The following PLCXD3 variants were observed in gnomAD, a reference collection of about 807,000 sequenced individuals.
PLCXD3 encodes phosphatidylinositol specific phospholipase C X domain containing 3, also known as PI-PLC X domain-containing protein 3.
PLCXD3 carries 19 observed loss-of-function variants against 25.5 expected under a neutral mutation model. The observed-to-expected ratio is 0.75, with a 90% CI of 0.52 to 1.09. The LOEUF is 1.09. Among genes scored for constraint, PLCXD3 ranks in the 50% least tolerant of loss-of-function variants. The pLI is 0.00. For missense variants in PLCXD3, 411 were observed against 388.1 expected (o/e 1.06, Z -0.50); for synonymous variants, 174 against 137.6 (o/e 1.26, Z -1.85).
intron 1 of PLCXD3, among the ~76,000 whole-genome samples, chr5:41,444,393 G>A (rs1747450326): frequency 6.6e-6 from 1 of 152,150 alleles, no homozygotes; most frequent in Non-Finnish European, 1.5e-5. Flanking sequence ...TTTGGGTTGG[G>A]CTAGAGGGGC....
chr5:41,323,663 C>T (rs927062479), intron 2 of PLCXD3, among the ~76,000 whole-genome samples: 15 of 152,184 alleles, frequency 9.9e-5, no homozygotes, highest in Non-Finnish European at 1.8e-4. Context: ...CAATTAGATG[C>T]TGCTGAAGTA....
At chr5:41,432,371 C>T (rs879750247) in intron 1 of PLCXD3, among the ~76,000 whole-genome samples, 1 of 152,140 alleles carries the variant, frequency 6.6e-6, no homozygotes, top group Non-Finnish European at 1.5e-5. Context: ...ATTTCTTTGG[C>T]TATCACTGTT....
intron 1 of PLCXD3, among the ~76,000 whole-genome samples, chr5:41,485,155 G>T (rs758076760): frequency 4.6e-5 from 7 of 152,000 alleles, no homozygotes; most frequent in Admixed American, 2.6e-4. Flanking sequence ...TTATGAAGAC[G>T]GACACTATTC....
chr5:41,348,521 G>A (rs1744364420), intron 2 of PLCXD3, among the ~76,000 whole-genome samples: 1 of 152,172 alleles, frequency 6.6e-6, no homozygotes, highest in South Asian at 2.1e-4. Context: ...AGACAAGGAA[G>A]CTTGTGCAAA....
chr5:41,397,071 A>T (rs1330429729), intron 1 of PLCXD3, among the ~76,000 whole-genome samples: 2 of 152,204 alleles, frequency 1.3e-5, no homozygotes, highest in African/African-American at 4.8e-5. Flanking sequence ...AGGAAAACCC[A>T]TTTTTTGGGG....
intron 1 of PLCXD3, among the ~76,000 whole-genome samples, chr5:41,435,891 C>A (rs1333611666): frequency 6.6e-6 from 1 of 152,200 alleles, no homozygotes; most frequent in Non-Finnish European, 1.5e-5. Context: ...GAGATAGAAA[C>A]CTCTGTGGCC....
chr5:41,484,889 G>T (rs1474383704), intron 1 of PLCXD3, among the ~76,000 whole-genome samples: 3 of 152,110 alleles, frequency 2.0e-5, no homozygotes, highest in African/African-American at 4.8e-5. Flanking sequence ...TGTCCCACCT[G>T]CTAAGAAACT....
intron 2 of PLCXD3, among the ~76,000 whole-genome samples, chr5:41,350,469 G>C (rs1744427525): frequency 6.6e-6 from 1 of 152,160 alleles, no homozygotes; most frequent in Admixed American, 6.5e-5. Context: ...CCCATAGGAA[G>C]AGTATACTAT....
At position 41,310,213 on chromosome 5, in the gene PLCXD3, G is replaced by A. The variant is rs1743102327; in HGVS notation, c.*3404C>T. ...TTCTCTGCATTTACATTATTGTGTGGTAAATAGGGAGACATAAATGATAAT... is the reference window on the plus strand; with the variant it reads ...TTCTCTGCATTTACATTATTGTGTGATAAATAGGGAGACATAAATGATAAT... On this transcript the variant is annotated 3_prime_UTR_variant, in exon 3 of 3. Coordinates refer to ENST00000377801, the MANE Select transcript of PLCXD3 (RefSeq NM_001005473.3). 2.0e-5 allele frequency: 3 copies of A among 152,118 alleles called. No individual in the cohort carries two copies. The South Asian group carries it at 6.2e-4, about 32-fold the overall frequency. 9.4% of individuals were successfully genotyped at this position (152,118 alleles called of 1,614,324 possible). A position where few individuals can be genotyped will look rare whatever the true frequency, so the allele number is the denominator to read the frequency against.
intron 2 of PLCXD3, among the ~76,000 whole-genome samples, chr5:41,336,138 C>T (rs1743972778): frequency 6.6e-6 from 1 of 152,044 alleles, no homozygotes; most frequent in Non-Finnish European, 1.5e-5. Flanking sequence ...ATTTAACTTC[C>T]CCAATTCTCA....
intron 1 of PLCXD3, among the ~76,000 whole-genome samples, chr5:41,422,461 A>T (rs1012364645): frequency 2.0e-5 from 3 of 152,012 alleles, no homozygotes; most frequent in African/African-American, 7.2e-5. Flanking sequence ...CCTTTTTACT[A>T]CCTTAGTCCA....
In PLCXD3 at chr5:41,313,789, A is replaced by C; in HGVS notation, c.813-19T>G. 2 of 1,559,306 alleles carry C rather than the reference A, an allele frequency of 1.3e-6. No individual in the cohort carries two copies. Among genetic ancestry groups the C allele is most frequent in the Non-Finnish European group, 8.7e-7 (1 of 1,155,946 alleles). ...AAGAGCTCTGAGAAAGGAAACAAAAAGAAAAGTCACAGAAGGCAAGATACT... is the reference window on the plus strand; with the variant it reads ...AAGAGCTCTGAGAAAGGAAACAAAACGAAAAGTCACAGAAGGCAAGATACT... On this transcript the variant is annotated intron_variant, in intron 2 of 2. Transcript: ENST00000377801.
chr5:41,349,198 A>C lies in PLCXD3; in HGVS notation c.812+32628T>G, dbSNP rs763483151. On this transcript the variant is annotated intron_variant, in intron 2 of 2. Transcript: ENST00000377801. ...TTTAAATGGTCAGAAAATTATTCTT[A>C]GGTTGGGTCTTTTGTTTCCAAAGCA... 7.0e-4 allele frequency among the ~76,000 whole-genome samples: 107 copies of C among 152,274 alleles called. 1 individual carries two copies. Among genetic ancestry groups the C allele is most frequent in the Admixed American group, 3.2e-3 (49 of 15,294 alleles).
At chr5:41,462,182 C>G (rs1747891923) in intron 1 of PLCXD3, among the ~76,000 whole-genome samples, 1 of 152,010 alleles carries the variant, frequency 6.6e-6, no homozygotes, top group Non-Finnish European at 1.5e-5. Context: ...AGGGTTGCTC[C>G]TAGTCCAGAT....
chr5:41,486,319 C>T (rs78723878), intron 1 of PLCXD3, among the ~76,000 whole-genome samples: 1 of 151,632 alleles, frequency 6.6e-6, no homozygotes. Flanking sequence ...CATCGTCCCC[C>T]CTGGATAAGG....
At chr5:41,417,334 G>C (rs1352378374) in intron 1 of PLCXD3, among the ~76,000 whole-genome samples, 1 of 152,192 alleles carries the variant, frequency 6.6e-6, no homozygotes. Flanking sequence ...TAAGGTGATG[G>C]TGAGTGTCTT....
At chr5:41,368,754 T>G (rs1745009011) in intron 2 of PLCXD3, among the ~76,000 whole-genome samples, 1 of 152,226 alleles carries the variant, frequency 6.6e-6, no homozygotes, top group African/African-American at 2.4e-5. Context: ...GAAGGGATGT[T>G]GAATTTTATC....
At chr5:41,448,136 A>G (rs1392204565) in intron 1 of PLCXD3, among the ~76,000 whole-genome samples, 3 of 152,242 alleles carry the variant, frequency 2.0e-5, no homozygotes, top group Non-Finnish European at 4.4e-5. Flanking sequence ...CTCTAGGACC[A>G]AAACAGACAT....
chr5:41,405,248 C>G (rs1384734033), intron 1 of PLCXD3, among the ~76,000 whole-genome samples: 1 of 152,076 alleles, frequency 6.6e-6, no homozygotes, highest in East Asian at 1.9e-4. Flanking sequence ...AGGCAAGTGG[C>G]AATATTTCTA....
Sources: gnomAD v4.1 joint callset for allele counts (sites outside exome capture counted in the v4.1 genomes callset) on GRCh38, gnomAD v4.1.1 for gene constraint, MANE v1.5 for transcripts, NCBI Gene and HGNC (gene_info 2026-07-23, HGNC 2026-07-21) for gene names.